The following SLC15A2 variants were observed in gnomAD, a reference collection of about 807,000 sequenced individuals.
The protein encoded by SLC15A2 is solute carrier family 15 member 2.
A neutral mutation model predicts 95.5 loss-of-function variants in SLC15A2; 77 were observed. The ratio of observed to expected loss-of-function variants is 0.81; its 90% CI spans 0.67 to 0.97. The LOEUF is 0.97. Among genes scored for constraint, SLC15A2 ranks in the 50% least tolerant of loss-of-function variants. The pLI, the probability that SLC15A2 is intolerant of heterozygous loss-of-function variation, is 0.00. For missense variants in SLC15A2, 893 were observed against 874.4 expected (o/e 1.02, Z -0.27); for synonymous variants, 306 against 306.9 (o/e 1.00, Z 0.03).
chr3:121,925,502 C>G (rs138609249), intron 13 of SLC15A2, among the ~76,000 whole-genome samples: 49 of 151,588 alleles, frequency 3.2e-4, no homozygotes, highest in African/African-American at 8.9e-4. Context: ...AAGGACTAGT[C>G]TTTTTTAGAG....
chr3:121,912,427 T>C (rs895897064), intron 4 of SLC15A2, among the ~76,000 whole-genome samples: 2 of 151,910 alleles, frequency 1.3e-5, no homozygotes, highest in African/African-American at 4.8e-5. Flanking sequence ...AGAGATGGGG[T>C]TTTACCATGT....
At chr3:121,914,117 A>C (rs536456063) in intron 5 of SLC15A2, among the ~76,000 whole-genome samples, 3 of 152,280 alleles carry the variant, frequency 2.0e-5, no homozygotes, top group East Asian at 3.9e-4. Context: ...GAGTCCATAG[A>C]TCATAATTGC....
At chr3:121,918,424 CCAAA>C (rs1449349461) in intron 7 of SLC15A2, among the ~76,000 whole-genome samples, 6 of 151,982 alleles carry the variant, frequency 3.9e-5, no homozygotes, top group African/African-American at 1.5e-4. Flanking sequence ...ATTGGAGTTA[CCAAA>C]CAGTTATTTG....
chr3:121,905,734 T>G (rs1036158388), intron 3 of SLC15A2, among the ~76,000 whole-genome samples: 2 of 152,102 alleles, frequency 1.3e-5, no homozygotes, highest in African/African-American at 4.8e-5. Context: ...GATTTCTGTT[T>G]TTTTATATTT....
intron 13 of SLC15A2, among the ~76,000 whole-genome samples, chr3:121,925,847 G>A (rs948004910): frequency 4.9e-5 from 7 of 141,920 alleles, no homozygotes; most frequent in Admixed American, 3.7e-4. Context: ...CCAAGGAGAG[G>A]TAGAAAAGAA....
rs1414194708 is a variant in SLC15A2, at chr3:121,928,184, C to A, written c.1207-237C>A. The A allele has an allele frequency of 6.0e-5, 34 of 571,148 alleles. No individual in the cohort carries two copies. In the Middle Eastern group the frequency reaches 4.1e-3, roughly 70 times the overall value. 35.4% of individuals were successfully genotyped at this position (571,148 alleles called of 1,614,324 possible). ...GAATAGCCACTATTACGGATGAGGCCACAGCTGAGTCAAAAAGCATCGAGT... is the reference window on the plus strand; with the variant it reads ...GAATAGCCACTATTACGGATGAGGCAACAGCTGAGTCAAAAAGCATCGAGT... On this transcript the variant is annotated intron_variant, in intron 14 of 21. Coordinates refer to ENST00000489711, the MANE Select transcript of SLC15A2 (RefSeq NM_021082.4).
rs1576678257 is a variant in SLC15A2, at chr3:121,915,204, A to T, written c.529-23A>T. ...TGGAGCTAGGGGACACATTGCACTG[A>T]TGATTTATCCTGTTTGTTTCAGGCA... On this transcript the variant is annotated intron_variant, in intron 5 of 21. Transcript: ENST00000489711. 2.5e-6 allele frequency: 4 copies of T among 1,576,002 alleles called. No individual in the cohort carries two copies. The East Asian group carries it at 6.7e-5, about 26-fold the overall frequency.
chr3:121,929,613 T>G (rs1710192079), intron 17 of SLC15A2, among the ~76,000 whole-genome samples: 1 of 152,174 alleles, frequency 6.6e-6, no homozygotes, highest in Admixed American at 6.5e-5. Flanking sequence ...CTATTTATCT[T>G]GCTCTCAGGA....
intron 14 of SLC15A2, 178 bp from the exon 15 acceptor site, chr3:121,928,243 C>G: frequency 1.5e-6 from 1 of 669,428 alleles, no homozygotes; most frequent in South Asian, 2.0e-5. Flanking sequence ...CTACAATGAG[C>G]TGATGTTTCC....
chr3:121,926,216 C>T (rs1439140675), intron 13 of SLC15A2, among the ~76,000 whole-genome samples: 1 of 152,080 alleles, frequency 6.6e-6, no homozygotes, highest in Non-Finnish European at 1.5e-5. Context: ...TATTTGTACC[C>T]ACTCAAATCT....
intron 3 of SLC15A2, among the ~76,000 whole-genome samples, chr3:121,906,853 C>T (rs1008870108): frequency 3.3e-5 from 5 of 152,044 alleles, no homozygotes; most frequent in South Asian, 2.1e-4. Flanking sequence ...TTGCCCTTCT[C>T]GAGGAGTATC....
chr3:121,931,807 G>T, intron 19 of SLC15A2, 72 bp downstream of exon 19: 1 of 874,740 alleles, frequency 1.1e-6, no homozygotes, highest in Middle Eastern at 2.2e-4. Context: ...CTAGGCAGGG[G>T]CAGAAAACAA....
intron 3 of SLC15A2, among the ~76,000 whole-genome samples, chr3:121,898,476 T>A (rs765296863): frequency 6.6e-6 from 1 of 152,196 alleles, no homozygotes; most frequent in Non-Finnish European, 1.5e-5. Context: ...AGCTTAGAAA[T>A]GGATCGTGGT....
chr3:121,924,295 C>A (rs1229811058), intron 11 of SLC15A2, 56 bp from the exon 12 acceptor site: 5 of 1,217,556 alleles, frequency 4.1e-6, no homozygotes, highest in Non-Finnish European at 5.9e-6. Flanking sequence ...TCTAGGCCAA[C>A]ATTTTTTTTT....
chr3:121,935,150 G>A (rs28790275), intron 19 of SLC15A2, among the ~76,000 whole-genome samples: 3,922 of 152,228 alleles, frequency 0.026, 151 homozygotes, highest in African/African-American at 0.089. Context: ...TTGATGTGCT[G>A]CTGGATTCGT....
At chr3:121,901,602 G>A (rs2178415) in intron 3 of SLC15A2, among the ~76,000 whole-genome samples, 67,657 of 151,828 alleles carry the variant, frequency 0.45, 15,575 homozygotes, top group East Asian at 0.69. Flanking sequence ...GTGTGTGTGC[G>A]TGTGCATGTG....
chr3:121,935,805 A>T (rs1710332672), intron 19 of SLC15A2, among the ~76,000 whole-genome samples: 1 of 152,034 alleles, frequency 6.6e-6, no homozygotes, highest in South Asian at 2.1e-4. Flanking sequence ...GCCTTCTGCT[A>T]GCTTTTGAAT....
At chr3:121,935,731 A>C (rs1314892847) in intron 19 of SLC15A2, among the ~76,000 whole-genome samples, 1 of 151,830 alleles carries the variant, frequency 6.6e-6, no homozygotes, top group Non-Finnish European at 1.5e-5. Flanking sequence ...GGATTCATTA[A>C]TTTTTTGAAG....
intron 15 of SLC15A2, 150 bp from the exon 16 acceptor site, chr3:121,928,832 A>T: frequency 1.2e-6 from 1 of 856,252 alleles, no homozygotes; most frequent in Non-Finnish European, 1.8e-6. Flanking sequence ...CTTAGGGTAA[A>T]TTCCAAGAAA....
Sources: allele counts gnomAD v4.1 joint callset (sites outside exome capture counted in the v4.1 genomes callset), GRCh38; gene constraint gnomAD v4.1.1; transcripts MANE v1.5; gene names NCBI Gene and HGNC (gene_info 2026-07-23, HGNC 2026-07-21).